ADAMTS12: variants seen among roughly 807,000 people sequenced by gnomAD.
ADAMTS12 encodes the protein A disintegrin and metalloproteinase with thrombospondin motifs 12.
Under a neutral mutation model 167.8 loss-of-function variants are expected in ADAMTS12, and 118 were observed. The observed-to-expected ratio is 0.70, with a 90% CI of 0.61 to 0.82. ADAMTS12 has a LOEUF of 0.82. Ranked by LOEUF, ADAMTS12 falls within the 40% of genes least tolerant of loss-of-function variation. The probability of loss-of-function intolerance (pLI) is 0.00; values close to 1 mark genes in which losing one functional copy is unlikely to be tolerated. For missense variants in ADAMTS12, 1,916 were observed against 1,998.8 expected, an observed-to-expected ratio of 0.96 and a Z score of 0.79; for synonymous variants, 704 against 716.9, an observed-to-expected ratio of 0.98 and a Z score of 0.29.
chr5:33,540,106 A>C (rs1744616455), intron 22 of ADAMTS12, among the ~76,000 whole-genome samples: 1 of 152,236 alleles, frequency 6.6e-6, no homozygotes, highest in South Asian at 2.1e-4. Flanking sequence ...TCCCACTCAA[A>C]TACTGCACTT....
chr5:33,783,208 T>G (rs1381543078), intron 2 of ADAMTS12, among the ~76,000 whole-genome samples: 1 of 151,782 alleles, frequency 6.6e-6, no homozygotes, highest in Non-Finnish European at 1.5e-5. Flanking sequence ...CTGAATTACA[T>G]AAAGATGGAA....
intron 2 of ADAMTS12, among the ~76,000 whole-genome samples, chr5:33,779,776 T>C (rs1746053209): frequency 6.6e-6 from 1 of 152,200 alleles, no homozygotes; most frequent in South Asian, 2.1e-4. Flanking sequence ...CAGTTGAACT[T>C]ATAGGAGAGA....
chr5:33,644,442 CAA>C (rs910092029), intron 9 of ADAMTS12, among the ~76,000 whole-genome samples: 4 of 152,188 alleles, frequency 2.6e-5, no homozygotes, highest in African/African-American at 9.6e-5. Context: ...TCAACCATGT[CAA>C]GTCTGCTGTT....
At chr5:33,861,894 A>T (rs1413247172) in intron 2 of ADAMTS12, among the ~76,000 whole-genome samples, 2 of 152,252 alleles carry the variant, frequency 1.3e-5, no homozygotes, top group Non-Finnish European at 2.9e-5. Flanking sequence ...CCTCACAAGT[A>T]CATGGAAACT....
intron 2 of ADAMTS12, among the ~76,000 whole-genome samples, chr5:33,851,888 A>ATGCTCATGTGCACC: frequency 6.6e-6 from 1 of 152,352 alleles, no homozygotes; most frequent in African/African-American, 2.4e-5. Context: ...TCATGTGCAC[A>ATGCTCATGTGCACC]CACGCATGTG....
At chr5:33,861,740 A>G (rs540383596) in intron 2 of ADAMTS12, among the ~76,000 whole-genome samples, 1 of 152,318 alleles carries the variant, frequency 6.6e-6, no homozygotes, top group Non-Finnish European at 1.5e-5. Flanking sequence ...TCTTAGCACC[A>G]TATTGCACTT....
intron 14 of ADAMTS12, 143 bp from the exon 15 acceptor site, chr5:33,616,215 C>CACT: frequency 8.9e-7 from 1 of 1,122,516 alleles, no homozygotes; most frequent in South Asian, 1.6e-5. Flanking sequence ...TTGGCAGAAG[C>CACT]ACTACTTATG....
chr5:33,863,416 C>T (rs1465900483), intron 2 of ADAMTS12, among the ~76,000 whole-genome samples: 2 of 152,098 alleles, frequency 1.3e-5, no homozygotes, highest in African/African-American at 4.8e-5. Context: ...AACAGAGAGC[C>T]AAATCATGAG....
intron 7 of ADAMTS12, among the ~76,000 whole-genome samples, chr5:33,651,020 T>C (rs1262296482): frequency 6.6e-6 from 1 of 152,198 alleles, no homozygotes; most frequent in Non-Finnish European, 1.5e-5. Context: ...TATGGTATTA[T>C]CAATGTACTT....
At chr5:33,708,988 CA>C (rs1743294792) in intron 3 of ADAMTS12, among the ~76,000 whole-genome samples, 1 of 151,252 alleles carries the variant, frequency 6.6e-6, no homozygotes, top group Non-Finnish European at 1.5e-5. Flanking sequence ...CAAAACAAAA[CA>C]AAAACAAACA....
At chr5:33,576,010 C>T in intron 19 of ADAMTS12, 44 bp downstream of exon 19, 1 of 1,557,366 alleles carries the variant, frequency 6.4e-7, no homozygotes, top group Non-Finnish European at 8.7e-7. Context: ...ACACTCCTAG[C>T]TTTTTTCCAT....
chr5:33,841,687 A>C (rs903611241), intron 2 of ADAMTS12, among the ~76,000 whole-genome samples: 1 of 152,154 alleles, frequency 6.6e-6, no homozygotes, highest in African/African-American at 2.4e-5. Context: ...ATTTCCTACT[A>C]TTCAGTCTTG....
At chr5:33,751,336 G>A (rs759888488) in intron 3 of ADAMTS12, 68 bp downstream of exon 3, 64 of 1,602,784 alleles carry the variant, frequency 4.0e-5, no homozygotes, top group Admixed American at 8.3e-5. Flanking sequence ...AATAGGTCAT[G>A]TTTTAATAAA....
At chr5:33,541,533 C>T (rs2111788322) in intron 22 of ADAMTS12, among the ~76,000 whole-genome samples, 1 of 152,278 alleles carries the variant, frequency 6.6e-6, no homozygotes, top group South Asian at 2.1e-4. Context: ...ACATAATTGT[C>T]AGATTCACCA....
Position 33,649,681 on chromosome 5 carries a change from C to A in ADAMTS12, c.1207G>T (p.Asp403Tyr). 1.2e-6 allele frequency: 2 copies of A among 1,613,800 alleles called. No individual in the cohort carries two copies. The highest frequency in any genetic ancestry group is 2.2e-5 in the East Asian group (1 of 44,856). The change falls in exon 8 of 24, where the codon GAT (aspartate) becomes TAT (tyrosine). Residue 403 changes from aspartate (D) to tyrosine (Y), a missense_variant. Asp to Tyr is a radical substitution (Grantham distance 160). Transcript: ENST00000504830. ...ELGHSFGIQHDGKENDCEPVG... is the reference protein window; with the variant it reads ...ELGHSFGIQHYGKENDCEPVG... ...GGCTCACAGTCATTTTCTTTCCCATCATGCTGGATGCCGAAGCTGGCAGGG... is the reference window on the plus strand; with the variant it reads ...GGCTCACAGTCATTTTCTTTCCCATAATGCTGGATGCCGAAGCTGGCAGGG...
chr5:33,791,801 G>A (rs1746581668), intron 2 of ADAMTS12, among the ~76,000 whole-genome samples: 1 of 148,902 alleles, frequency 6.7e-6, no homozygotes, highest in African/African-American at 2.5e-5. Context: ...GGATAGCGAA[G>A]TTGGTATCTG....
intron 3 of ADAMTS12, among the ~76,000 whole-genome samples, chr5:33,720,267 CT>C (rs1381437179): frequency 2.3e-5 from 2 of 86,456 alleles, no homozygotes; most frequent in Non-Finnish European, 2.4e-5. Flanking sequence ...CCATTCACCC[CT>C]CTCTCTCTCT....
intron 2 of ADAMTS12, among the ~76,000 whole-genome samples, chr5:33,814,961 T>C (rs1747592797): frequency 6.6e-6 from 1 of 152,132 alleles, no homozygotes; most frequent in Non-Finnish European, 1.5e-5. Context: ...TGAGAGACAG[T>C]GATTTTGCTG....
intron 2 of ADAMTS12, among the ~76,000 whole-genome samples, chr5:33,835,907 A>ATCTTCTCTCTCTCTCTCTCTCTC (rs1748488492): frequency 8.9e-6 from 1 of 111,856 alleles, no homozygotes; most frequent in African/African-American, 4.4e-5. Context: ...GATAATATCC[A>ATCTTCTCTCTCTCTCTCTCTCTC]TCTCTCTCTC....
Sources: gnomAD v4.1 joint callset for allele counts (sites outside exome capture counted in the v4.1 genomes callset) on GRCh38, gnomAD v4.1.1 for gene constraint, MANE v1.5 for transcripts, NCBI Gene and HGNC (gene_info 2026-07-23, HGNC 2026-07-21) for gene names.